The following LTBR variants were observed in gnomAD, a reference collection of about 807,000 sequenced individuals.
The protein encoded by LTBR is tumor necrosis factor receptor superfamily member 3.
A neutral mutation model predicts 45.4 loss-of-function variants in LTBR; 15 were observed. That is an observed-to-expected ratio of 0.33 (90% CI 0.22 to 0.51). The LOEUF is 0.51. LTBR is among the 20% of genes least tolerant of loss of function. The pLI, the probability that LTBR is intolerant of heterozygous loss-of-function variation, is 0.97. For synonymous variants in LTBR, 228 were observed against 231.0 expected (o/e 0.99, Z 0.12); for missense variants, 450 against 565.5 (o/e 0.80, Z 2.07).
At position 6,386,478 on chromosome 12, in the gene LTBR, C is replaced by A. The variant is rs372195928; in HGVS notation, c.667+34C>A. On this transcript the variant is annotated intron_variant, in intron 6 of 9. Transcript: ENST00000228918. This position sits in a 1 kb window ranked among gnomAD's most constrained non-coding sequence, Gnocchi z 4.1. ...CCAGGGCTGAGGGACACGGGGGGGG[C>A]GCCTCTGAAAATGCCTTAATGCTCC... The A allele has an allele frequency of 4.0e-6, 5 of 1,254,338 alleles. No individual in the cohort carries two copies. Among genetic ancestry groups the A allele is most frequent in the South Asian group, 3.8e-5 (3 of 78,010 alleles). The allele number at this position is 1,254,338 out of a possible 1,614,324, so 77.7% of individuals were successfully genotyped here. A position where few individuals can be genotyped will look rare whatever the true frequency, so the allele number is the denominator to read the frequency against.
intron 1 of LTBR, chr12:6,376,073 G>T: frequency 1.0e-6 from 1 of 990,520 alleles, no homozygotes; most frequent in Non-Finnish European, 1.2e-6. Context: ...GGAGCTAGAG[G>T]CTCAGCAAGT....
upstream of LTBR, among the ~76,000 whole-genome samples, chr12:6,380,485 C>T (rs1948972366): frequency 6.6e-6 from 1 of 152,098 alleles, no homozygotes. Flanking sequence ...AATTCAAAAC[C>T]AGCCTGTGGC....
chr12:6,377,742 C>G (rs572537804), intron 1 of LTBR: 6 of 1,151,634 alleles, frequency 5.2e-6, no homozygotes, highest in Admixed American at 4.6e-5. Flanking sequence ...AAAAGCACCT[C>G]CCTGCCTTTT....
rs1565496579 is a variant in LTBR at position 6,390,962 on chromosome 12, A to T, written c.*25A>T. The T allele has an allele frequency of 1.3e-6, 2 of 1,509,934 alleles. No individual in the cohort carries two copies. Among genetic ancestry groups the T allele is most frequent in the African/African-American group, 2.8e-5 (2 of 71,494 alleles). 93.5% of individuals were successfully genotyped at this position (1,509,934 alleles called of 1,614,324 possible). ...ACTGAGTCTGAGAAAAGGCAGAAGA[A>T]GGGGGGCACAAGGGCACCTTCTCCC... On this transcript the variant is annotated 3_prime_UTR_variant, in exon 10 of 10. Coordinates refer to ENST00000228918, the MANE Select transcript of LTBR (RefSeq NM_002342.3).
At chr12:6,377,421 T>A in intron 1 of LTBR, 4 of 714,308 alleles carry the variant, frequency 5.6e-6, no homozygotes, top group Non-Finnish European at 9.4e-6. Context: ...CCTCTGGGGC[T>A]ATCTACTTAG....
upstream of LTBR, among the ~76,000 whole-genome samples, chr12:6,381,595 G>A (rs1413306895): frequency 6.6e-6 from 1 of 152,236 alleles, no homozygotes; most frequent in African/African-American, 2.4e-5. Context: ...AGCCAGCTGG[G>A]GTTAAAAGGG....
rs138453324 is a variant in LTBR, at chr12:6,388,962, C to A, written c.801+137C>A. 1.8e-6 allele frequency: 2 copies of A among 1,085,316 alleles called. No homozygotes were observed. The highest frequency in any genetic ancestry group is 4.9e-5 in the East Asian group (2 of 40,768). The allele number at this position is 1,085,316 out of a possible 1,614,324, so 67.2% of individuals were successfully genotyped here. On this transcript the variant is annotated intron_variant, in intron 8 of 9. Coordinates refer to ENST00000228918, the MANE Select transcript of LTBR (RefSeq NM_002342.3). This position sits in a 1 kb window ranked among gnomAD's most constrained non-coding sequence, Gnocchi z 4.3. ...AACTGATGATTTACTGAACATGCCA[C>A]GTACCAGGCACTGTCCTAGGCACTG...
Position 6,388,589 on chromosome 12 carries a change from A to G in LTBR, c.775+84A>G, listed in dbSNP as rs187594034. On this transcript the variant is annotated intron_variant, in intron 7 of 9. Transcript: ENST00000228918. This position sits in a 1 kb window ranked among gnomAD's most constrained non-coding sequence, Gnocchi z 4.3. ...CAACTTCCCCGGTGCAACCCTCCAC[A>G]CCCTCAAGACTCCCAATGCCTACCC... 86 of 1,228,284 alleles carry G rather than the reference A, an allele frequency of 7.0e-5. No homozygotes were observed. The African/African-American group carries it at 1.1e-3, about 16-fold the overall frequency. 76.1% of individuals were successfully genotyped at this position (1,228,284 alleles called of 1,614,324 possible).
chr12:6,378,803 C>T (rs564959344), intron 1 of LTBR, among the ~76,000 whole-genome samples: 2 of 152,116 alleles, frequency 1.3e-5, no homozygotes, highest in Non-Finnish European at 2.9e-5. Context: ...CTTGGAAGGA[C>T]CCCCTGCCTT....
At position 6,385,395 on chromosome 12, in the gene LTBR, G is replaced by T; in HGVS notation, c.472+16G>T. ...GAGCTCAAAGGTCAGAGGTCCCTGA[G>T]GGGCTGGATGTGAAAAGGAGGCTGG... On this transcript the variant is annotated intron_variant, in intron 4 of 9. Coordinates refer to ENST00000228918, the MANE Select transcript of LTBR (RefSeq NM_002342.3). 6.2e-7 allele frequency: 1 copy of T among 1,613,022 alleles called. No homozygotes were observed. Among genetic ancestry groups the T allele is most frequent in the Admixed American group, 1.7e-5 (1 of 60,006 alleles).
chr12:6,387,244 A>G (rs1469791303), intron 6 of LTBR: 2 of 152,204 alleles, frequency 1.3e-5, no homozygotes, highest in African/African-American at 4.8e-5. Context: ...CACTCGTTAC[A>G]TTGTGGTATA....
Position 6,386,313 on chromosome 12 carries a change from C to T in LTBR, c.570-34C>T, listed in dbSNP as rs768437511. ...GAGTCGGGACACTGGTGGGCCAGGGCGTGAAAAGGTCATCATCTTTTTTTC... is the reference window on the plus strand; with the variant it reads ...GAGTCGGGACACTGGTGGGCCAGGGTGTGAAAAGGTCATCATCTTTTTTTC... On this transcript the variant is annotated intron_variant, in intron 5 of 9. Coordinates refer to ENST00000228918, the MANE Select transcript of LTBR (RefSeq NM_002342.3). This position sits in a 1 kb window ranked among gnomAD's most constrained non-coding sequence, Gnocchi z 4.1. 26 of 1,579,368 alleles carry T rather than the reference C, an allele frequency of 1.6e-5. No homozygotes were observed. The highest frequency in any genetic ancestry group is 2.2e-5 in the South Asian group (2 of 90,130).
At chr12:6,379,959 A>C (rs560398353), upstream of LTBR, among the ~76,000 whole-genome samples, 2 of 151,228 alleles carry the variant, frequency 1.3e-5, no homozygotes, top group Non-Finnish European at 1.5e-5. Flanking sequence ...AAAAAAAAAA[A>C]CAAAAAAAGA....
Position 6,385,281 on chromosome 12 carries a change from G to T in LTBR, c.374G>T (p.Arg125Leu). The change falls in exon 4 of 10, where the codon CGC (arginine) becomes CTC (leucine). Residue 125 changes from arginine (R) to leucine (L), a missense_variant. Coordinates refer to ENST00000228918, the MANE Select transcript of LTBR (RefSeq NM_002342.3). The part of the protein sequence containing the change: ...PCTSKRKTQC[R>L]CQPGMFCAAW... ...ACAAGCAAACGGAAGACCCAGTGCC[G>T]CTGCCAGCCGGGAATGTTCTGTGCT... is the stretch of plus-strand genomic sequence containing the variant. The T allele has an allele frequency of 6.2e-7, 1 of 1,614,022 alleles. No individual in the cohort carries two copies. Among genetic ancestry groups the T allele is most frequent in the Non-Finnish European group, 8.5e-7 (1 of 1,180,022 alleles).
At chr12:6,378,201 G>A (rs1295552597) in intron 1 of LTBR, among the ~76,000 whole-genome samples, 1 of 144,396 alleles carries the variant, frequency 6.9e-6, no homozygotes, top group African/African-American at 2.7e-5. Flanking sequence ...AAACTTACAT[G>A]TATTTTTAAA....
chr12:6,390,430 C>A, intron 9 of LTBR, 90 bp downstream of exon 9: 1 of 1,207,488 alleles, frequency 8.3e-7, no homozygotes, highest in Non-Finnish European at 1.2e-6. Context: ...ATAAAAAGAC[C>A]AAAACAGAGG....
At chr12:6,387,919 A>G in intron 6 of LTBR, 1 of 446,722 alleles carries the variant, frequency 2.2e-6, no homozygotes, top group Non-Finnish European at 4.5e-6. Flanking sequence ...AGGTACAGGT[A>G]CAGCAGGGCA....
chr12:6,381,133 A>G (rs1948980314), upstream of LTBR, among the ~76,000 whole-genome samples: 1 of 152,164 alleles, frequency 6.6e-6, no homozygotes, highest in Admixed American at 6.5e-5. Flanking sequence ...TACATGGGTG[A>G]TGGAGGAGCT....
Position 6,388,432 on chromosome 12 carries a change from G to A in LTBR, c.702G>A (p.Leu234=). Residue 234 remains leucine, a synonymous_variant, in exon 7 of 10, where the codon CTG becomes CTA. Transcript: ENST00000228918. The surrounding 1 kb of genome is among the most constrained non-coding windows in gnomAD (Gnocchi z 4.3). ...TMLMLAVLLP[L]AFFLLLATVF... ...TGATGCTGGCCGTTCTGCTGCCACT[G>A]GCCTTCTTTCTGCTCCTTGCCACCG... 6.2e-7 allele frequency: 1 copy of A among 1,613,922 alleles called. No homozygotes were observed. Among genetic ancestry groups the A allele is most frequent in the Non-Finnish European group, 8.5e-7 (1 of 1,179,990 alleles).
Sources: gnomAD v4.1 joint callset for allele counts (sites outside exome capture counted in the v4.1 genomes callset) on GRCh38, gnomAD v4.1.1 for gene constraint, Gnocchi (gnomAD v3.1) non-coding constraint, MANE v1.5 for transcripts, NCBI Gene and HGNC (gene_info 2026-07-23, HGNC 2026-07-21) for gene names.